NRXN1: variants seen among roughly 807,000 people sequenced by gnomAD.
NRXN1 encodes the protein neurexin-1.
NRXN1 carries 39 observed loss-of-function variants against 150.9 expected under a neutral mutation model. The observed-to-expected ratio is 0.26, with a 90% CI of 0.20 to 0.34. NRXN1 has a LOEUF of 0.34. Among genes scored for constraint, NRXN1 ranks in the 10% least tolerant of loss-of-function variants. NRXN1 has a pLI of 1.00. For missense variants in NRXN1, 1,815 were observed against 1,949.9 expected, an observed-to-expected ratio of 0.93 and a Z score of 1.30; for synonymous variants, 924 against 757.0, an observed-to-expected ratio of 1.22 and a Z score of -3.62.
In NRXN1 at chr2:50,522,719, C is replaced by CCTTTTTTTTTTTTTTTTTTTTTTTTTTTT. The variant is rs1323306682; in HGVS notation, c.2374+5905_2374+5906insAAAAAAAAAAAAAAAAAAAAAAAAAAAAG. On this transcript the variant is annotated intron_variant, in intron 12 of 22. Coordinates refer to ENST00000401669, the MANE Select transcript of NRXN1 (RefSeq NM_001330078.2). ...TTCCATTTATTCATTTATTTTTATTCATTTTTTTTTTTTTTTTTTTTTTTT... is the reference window on the plus strand; with the variant it reads ...TTCCATTTATTCATTTATTTTTATTCCTTTTTTTTTTTTTTTTTTTTTTTTTTTTATTTTTTTTTTTTTTTTTTTTTTTT... 1.3e-4 allele frequency among the ~76,000 whole-genome samples: 11 copies of CCTTTTTTTTTTTTTTTTTTTTTTTTTTTT among 86,596 alleles called. 4 individuals carry two copies. Among genetic ancestry groups the CCTTTTTTTTTTTTTTTTTTTTTTTTTTTT allele is most frequent in the African/African-American group, 6.6e-4 (11 of 16,768 alleles). The allele number at this position is 86,596 out of a possible 152,430, so 56.8% of individuals were successfully genotyped here.
intron 21 of NRXN1, chr2:49,970,580 G>A (rs1469222206): frequency 6.6e-6 from 1 of 152,080 alleles, no homozygotes; most frequent in Non-Finnish European, 1.5e-5. Flanking sequence ...ATGCTAGAGT[G>A]ATGAGGGAAG....
At chr2:50,383,220 A>G (rs951827908) in intron 17 of NRXN1, among the ~76,000 whole-genome samples, 4 of 152,158 alleles carry the variant, frequency 2.6e-5, no homozygotes, top group African/African-American at 9.7e-5. Context: ...AGGACAGAAT[A>G]TGGTCTGGTC....
intron 8 of NRXN1, among the ~76,000 whole-genome samples, chr2:50,565,228 G>A (rs1669664939): frequency 6.6e-6 from 1 of 151,886 alleles, no homozygotes; most frequent in Non-Finnish European, 1.5e-5. Context: ...TTTGGTGGAT[G>A]ACAGTATGCA....
At chr2:50,798,049 A>C (rs1707093444) in intron 5 of NRXN1, among the ~76,000 whole-genome samples, 1 of 152,198 alleles carries the variant, frequency 6.6e-6, no homozygotes, top group Admixed American at 6.6e-5. Context: ...ATTTCCTATG[A>C]TTCTGTAGAA....
At chr2:50,376,981 T>C (rs866996163) in intron 17 of NRXN1, among the ~76,000 whole-genome samples, 3 of 151,442 alleles carry the variant, frequency 2.0e-5, no homozygotes, top group Non-Finnish European at 1.5e-5. Flanking sequence ...TTTAAATGAG[T>C]AAGGGATTTC....
chr2:50,549,594 C>CGT (rs1368000080), intron 9 of NRXN1, among the ~76,000 whole-genome samples: 3 of 152,054 alleles, frequency 2.0e-5, no homozygotes, highest in Non-Finnish European at 4.4e-5. Flanking sequence ...TTCCTTAGAA[C>CGT]GTGTTTCTGT....
chr2:50,614,381 T>C (rs556383921), intron 8 of NRXN1, among the ~76,000 whole-genome samples: 73 of 152,160 alleles, frequency 4.8e-4, no homozygotes, highest in African/African-American at 1.3e-3. Context: ...AAGCCTTTTA[T>C]CCCAAAATTG....
intron 5 of NRXN1, among the ~76,000 whole-genome samples, chr2:50,722,524 G>A (rs1696806113): frequency 6.6e-6 from 1 of 152,052 alleles, no homozygotes; most frequent in Non-Finnish European, 1.5e-5. Flanking sequence ...TAGTAGACAA[G>A]CAGGCTGTAA....
intron 5 of NRXN1, chr2:50,696,145 C>G (rs1403546300): frequency 1.3e-5 from 2 of 151,236 alleles, no homozygotes; most frequent in East Asian, 2.0e-4. Flanking sequence ...ACCCAGTCGA[C>G]TATGGAAATT....
At chr2:50,307,662 T>G (rs953035500) in intron 17 of NRXN1, among the ~76,000 whole-genome samples, 1 of 152,190 alleles carries the variant, frequency 6.6e-6, no homozygotes, top group Non-Finnish European at 1.5e-5. Context: ...TGAAGCCTTG[T>G]CTATGTAAAA....
chr2:50,219,960 A>AT (rs1559115637), intron 18 of NRXN1, among the ~76,000 whole-genome samples: 10 of 73,274 alleles, frequency 1.4e-4, no homozygotes, highest in African/African-American at 8.6e-4. Context: ...TATAATATAT[A>AT]TATTATATAT....
chr2:50,455,896 T>G (rs868641773), intron 17 of NRXN1, among the ~76,000 whole-genome samples: 1 of 152,186 alleles, frequency 6.6e-6, no homozygotes, highest in Non-Finnish European at 1.5e-5. Context: ...ACAGCCTGCT[T>G]CTACCTAGAA....
chr2:50,208,921 T>A (rs569173309), intron 18 of NRXN1, among the ~76,000 whole-genome samples: 1 of 152,160 alleles, frequency 6.6e-6, no homozygotes, highest in Non-Finnish European at 1.5e-5. Flanking sequence ...AAACTACATA[T>A]AATATAGAGA....
chr2:49,993,707 T>TA (rs1682421284), intron 21 of NRXN1, among the ~76,000 whole-genome samples: 1 of 152,150 alleles, frequency 6.6e-6, no homozygotes. Context: ...AAAACTGCCC[T>TA]AAAAATTGTC....
intron 21 of NRXN1, among the ~76,000 whole-genome samples, chr2:50,035,683 T>C (rs1040949288): frequency 2.0e-5 from 3 of 152,116 alleles, no homozygotes; most frequent in Non-Finnish European, 4.4e-5. Context: ...TGTAGGAGCA[T>C]GTGTGTTAAT....
chr2:50,554,366 G>C (rs553311725), intron 8 of NRXN1: 1 of 152,228 alleles, frequency 6.6e-6, no homozygotes, highest in East Asian at 1.9e-4. Context: ...GATAGGATTT[G>C]TTAATGAATA....
chr2:50,416,182 T>C (rs1572890512), intron 17 of NRXN1, among the ~76,000 whole-genome samples: 1 of 151,986 alleles, frequency 6.6e-6, no homozygotes, highest in South Asian at 2.1e-4. Flanking sequence ...TTCTGTACTA[T>C]GGGGGAAAAC....
chr2:50,435,139 G>T (rs149233092), intron 17 of NRXN1, among the ~76,000 whole-genome samples: 1 of 152,232 alleles, frequency 6.6e-6, no homozygotes, highest in African/African-American at 2.4e-5. Flanking sequence ...GTACACGGTT[G>T]CTAAGTTTAG....
intron 17 of NRXN1, among the ~76,000 whole-genome samples, chr2:50,363,482 CAT>C (rs2079367298): frequency 6.6e-6 from 1 of 152,088 alleles, no homozygotes; most frequent in South Asian, 2.1e-4. Flanking sequence ...CCAATAAACA[CAT>C]GTAAAAAAGC....
Sources: allele counts gnomAD v4.1 joint callset (sites outside exome capture counted in the v4.1 genomes callset), GRCh38; gene constraint gnomAD v4.1.1; transcripts MANE v1.5; gene names NCBI Gene and HGNC (gene_info 2026-07-23, HGNC 2026-07-21).